The following SH3D19 variants were observed in gnomAD, a reference collection of about 807,000 sequenced individuals.
The protein encoded by SH3D19 is SH3 domain containing 19.
SH3D19 carries 58 observed loss-of-function variants against 112.1 expected under a neutral mutation model. That is an observed-to-expected ratio of 0.52 (90% CI 0.42 to 0.64). The LOEUF is 0.64. SH3D19 is among the 30% of genes least tolerant of loss of function. The pLI is 0.00. For missense variants in SH3D19, 1,090 were observed against 1,263.4 expected, an observed-to-expected ratio of 0.86 and a Z score of 2.08; for synonymous variants, 391 against 448.5, an observed-to-expected ratio of 0.87 and a Z score of 1.62.
At chr4:151,214,439 A>G (rs1310343048) in intron 2 of SH3D19, among the ~76,000 whole-genome samples, 27 of 11,474 alleles carry the variant, frequency 2.4e-3, no homozygotes, top group East Asian at 8.9e-3. Flanking sequence ...CTCCCGGACG[A>G]GGCTGCTGGC....
chr4:151,271,712 A>T (rs1773238491), intron 1 of SH3D19, among the ~76,000 whole-genome samples: 1 of 152,208 alleles, frequency 6.6e-6, no homozygotes, highest in Non-Finnish European at 1.5e-5. Flanking sequence ...GGTAGAATTA[A>T]ATACTTAAAG....
intron 3 of SH3D19, among the ~76,000 whole-genome samples, chr4:151,185,040 GTTTTTTTTTTTTTTTTTTTTTTT>G (rs66567240): frequency 1.5e-5 from 1 of 66,520 alleles, no homozygotes; most frequent in Non-Finnish European, 2.7e-5. Flanking sequence ...GCTGTGTCCT[GTTTTTTTTTTTTTTTTTTTTTTT>G]TTTTTAACTC....
intron 7 of SH3D19, among the ~76,000 whole-genome samples, chr4:151,172,852 C>A (rs1759316736): frequency 6.6e-6 from 1 of 152,022 alleles, no homozygotes; most frequent in Admixed American, 6.6e-5. Context: ...TAGTGAGTTG[C>A]AAAATATAGG....
At chr4:151,222,575 C>T (rs975540026) in intron 2 of SH3D19, among the ~76,000 whole-genome samples, 7 of 149,546 alleles carry the variant, frequency 4.7e-5, no homozygotes, top group African/African-American at 9.8e-5. Context: ...CCTCCCCAAC[C>T]TTTTTTAAAG....
At chr4:151,256,039 GGAGAGGGA>G (rs1319841456) in intron 1 of SH3D19, among the ~76,000 whole-genome samples, 16 of 151,046 alleles carry the variant, frequency 1.1e-4, no homozygotes, top group African/African-American at 3.7e-4. Context: ...AGAGGGAGAG[GGAGAGGGA>G]GAGCCTTGAA....
chr4:151,211,130 C>T (rs1028958855), intron 2 of SH3D19, among the ~76,000 whole-genome samples: 2 of 152,012 alleles, frequency 1.3e-5, no homozygotes, highest in Admixed American at 6.6e-5. Context: ...ATTAGCCAAG[C>T]GTGGTGGTGC....
chr4:151,200,541 T>C (rs1764247361), intron 2 of SH3D19, among the ~76,000 whole-genome samples: 1 of 152,198 alleles, frequency 6.6e-6, no homozygotes, highest in Admixed American at 6.5e-5. Flanking sequence ...CTATCACCAG[T>C]GGTATCATAT....
chr4:151,313,271 G>A (rs1314990622), intron 1 of SH3D19, among the ~76,000 whole-genome samples: 3 of 152,058 alleles, frequency 2.0e-5, no homozygotes, highest in African/African-American at 7.2e-5. Context: ...AATACCTCAT[G>A]AAACTTTCCA....
At chr4:151,314,244 T>G (rs1729774799) in intron 1 of SH3D19, among the ~76,000 whole-genome samples, 1 of 152,210 alleles carries the variant, frequency 6.6e-6, no homozygotes, top group Non-Finnish European at 1.5e-5. Flanking sequence ...CAGCTTCTAT[T>G]TATTTATTCT....
chr4:151,309,359 G>A (rs1335232400), intron 1 of SH3D19, among the ~76,000 whole-genome samples: 1 of 152,124 alleles, frequency 6.6e-6, no homozygotes, highest in Non-Finnish European at 1.5e-5. Flanking sequence ...CGATACAGGA[G>A]TTGACTAAAA....
intron 1 of SH3D19, chr4:151,283,356 G>A: frequency 7.1e-7 from 1 of 1,409,416 alleles, no homozygotes; most frequent in Non-Finnish European, 9.9e-7. Flanking sequence ...TTTCCTATCT[G>A]TAAATAACAG....
chr4:151,215,152 C>T (rs1306191147), intron 2 of SH3D19, among the ~76,000 whole-genome samples: 1 of 152,212 alleles, frequency 6.6e-6, no homozygotes, highest in Admixed American at 6.5e-5. Flanking sequence ...AAACTCCTGG[C>T]CTCAAGCAAT....
At chr4:151,290,786 A>G (rs1470438019) in intron 1 of SH3D19, among the ~76,000 whole-genome samples, 3 of 152,242 alleles carry the variant, frequency 2.0e-5, no homozygotes, top group South Asian at 2.1e-4. Context: ...ACTAAACAAG[A>G]GCAGTAAGAA....
chr4:151,169,624 G>C (rs1251454345), intron 7 of SH3D19, among the ~76,000 whole-genome samples: 7 of 152,126 alleles, frequency 4.6e-5, no homozygotes, highest in Non-Finnish European at 4.4e-5. Flanking sequence ...TCCAACATAA[G>C]TTATAAGTGG....
rs141104250 is a variant in SH3D19, at chr4:151,242,652, G to A, written c.113-16566C>T. 7.9e-5 allele frequency among the ~76,000 whole-genome samples: 12 copies of A among 152,300 alleles called. No homozygotes were observed. In the East Asian group the frequency reaches 1.9e-3, roughly 24 times the overall value. On this transcript the variant is annotated intron_variant, in intron 1 of 19. Coordinates refer to ENST00000604030, the MANE Select transcript of SH3D19 (RefSeq NM_001378122.1). ...TAAAAAGGAAAAACTGAAATGGAATGAAAAGGAGAAAGTATATTTAGAAGC... is the reference window on the plus strand; with the variant it reads ...TAAAAAGGAAAAACTGAAATGGAATAAAAAGGAGAAAGTATATTTAGAAGC...
chr4:151,262,323 A>C (rs989299018), intron 1 of SH3D19: 2 of 152,254 alleles, frequency 1.3e-5, no homozygotes, highest in African/African-American at 4.8e-5. Context: ...ACAGATATCA[A>C]GCGTTCTTAT....
rs1211417335 is a variant in SH3D19, at chr4:151,213,861, AT to A, written c.152+12185del. On this transcript the variant is annotated intron_variant, in intron 2 of 19. Coordinates refer to ENST00000604030, the MANE Select transcript of SH3D19 (RefSeq NM_001378122.1). ...GCCACCGTGACTGGCTAACTTTTAA[AT>A]TTTTTTTTTTTTAATTTTATTTTTA... 2.8e-3 allele frequency among the ~76,000 whole-genome samples: 421 copies of A among 147,742 alleles called. 2 individuals are homozygous for A. Among genetic ancestry groups the A allele is most frequent in the Middle Eastern group, 7.0e-3 (2 of 284 alleles).
chr4:151,291,520 G>A (rs980698317), intron 1 of SH3D19: 30 of 1,214,128 alleles, frequency 2.5e-5, no homozygotes, highest in African/African-American at 4.6e-5. Flanking sequence ...TTGTTTTTAA[G>A]GTTTTTGATT....
At chr4:151,202,283 C>T (rs140102491) in intron 2 of SH3D19, among the ~76,000 whole-genome samples, 4 of 152,142 alleles carry the variant, frequency 2.6e-5, no homozygotes, top group African/African-American at 4.8e-5. Flanking sequence ...TGCTGTGAGC[C>T]GAGATCGCGC....
Sources: allele counts gnomAD v4.1 joint callset (sites outside exome capture counted in the v4.1 genomes callset), GRCh38; gene constraint gnomAD v4.1.1; transcripts MANE v1.5; gene names NCBI Gene and HGNC (gene_info 2026-07-23, HGNC 2026-07-21).